Variants in FAM131A observed in about 807,000 individuals in gnomAD.
The protein encoded by FAM131A is family with sequence similarity 131 member A.
A neutral mutation model predicts 39.2 loss-of-function variants in FAM131A; 24 were observed. The ratio of observed to expected loss-of-function variants is 0.61; its 90% CI spans 0.44 to 0.86. The LOEUF (loss-of-function observed/expected upper bound fraction) is 0.86, where lower values mean the gene tolerates loss of function less well. Ranked by LOEUF, FAM131A falls within the 40% of genes least tolerant of loss-of-function variation. The pLI is 0.00. For missense variants in FAM131A, 373 were observed against 481.2 expected (o/e 0.78, Z 2.10); for synonymous variants, 202 against 206.8 (o/e 0.98, Z 0.20).
Position 184,345,014 on chromosome 3 carries a change from CAGGGG to C in FAM131A, c.*45_*49del. The C allele has an allele frequency of 6.8e-7, 1 of 1,460,044 alleles. No individual in the cohort carries two copies. Among genetic ancestry groups the C allele is most frequent in the Non-Finnish European group, 9.1e-7 (1 of 1,103,252 alleles). The allele number at this position is 1,460,044 out of a possible 1,614,324, so 90.4% of individuals were successfully genotyped here. On this transcript the variant is annotated 3_prime_UTR_variant, in exon 6 of 6. Transcript: ENST00000383847. ...GTGGCATGCATCCCCCGGCTGCTGC[CAGGGG>C]CAGAGCCTCTGTGCCCAAGTGTGGG...
chr3:184,344,848 G>A lies in FAM131A; in HGVS notation c.979G>A (p.Asp327Asn). Residue 327 changes from aspartate (D) to asparagine (N), a missense_variant, in exon 6 of 6, where the codon GAC becomes AAC. Physicochemically the swap from Asp to Asn is conservative, Grantham distance 23. Around this residue, in one of 2 missense-constraint regions of FAM131A, gnomAD observed 152 missense variants for 133.5 expected, o/e 1.14. Transcript: ENST00000383847. ...GGAGGAGGAGCCAGCCCCCTGCAAG[G>A]ACTGCCAGCCACTCTGCCCACCACT... is the stretch of plus-strand genomic sequence containing the variant. ...PAEEEPAPCK[D>N]CQPLCPPLTG... 1 of 1,610,906 alleles carries A rather than the reference G, an allele frequency of 6.2e-7. No individual in the cohort carries two copies. Among genetic ancestry groups the A allele is most frequent in the East Asian group, 2.2e-5 (1 of 44,886 alleles).
intron 5 of FAM131A, chr3:184,343,067 T>C: frequency 3.0e-6 from 1 of 331,712 alleles, no homozygotes; most frequent in Non-Finnish European, 5.4e-6. Flanking sequence ...TTCGTTCCTT[T>C]CCCACAGGTG....
chr3:184,338,145 T>G (rs1013150346), intron 1 of FAM131A, among the ~76,000 whole-genome samples: 5 of 152,016 alleles, frequency 3.3e-5, no homozygotes, highest in Non-Finnish European at 7.4e-5. Flanking sequence ...ACCCTAGGGT[T>G]TTGAGGCAAA....
rs1184286497 is a variant in FAM131A at position 184,342,027 on chromosome 3, G to A, written c.326-39G>A. The A allele has an allele frequency of 4.3e-6, 7 of 1,612,906 alleles. No homozygotes were observed. The highest frequency in any genetic ancestry group is 5.9e-6 in the Non-Finnish European group (7 of 1,178,982). On this transcript the variant is annotated intron_variant, in intron 3 of 5. Transcript: ENST00000383847. The surrounding 1 kb of genome is among the most constrained non-coding windows in gnomAD (Gnocchi z 4.6). Reference sequence around the variant, plus strand: ...TCCCTGCACCTGTGCTCCCTGGCCTGGTCCTTTACCAGGCTTCTCCACCCT... The same window carrying A: ...TCCCTGCACCTGTGCTCCCTGGCCTAGTCCTTTACCAGGCTTCTCCACCCT...
Position 184,345,019 on chromosome 3 carries a change from G to GCAGA in FAM131A, c.*50_*53dup. The GCAGA allele has an allele frequency of 6.9e-7, 1 of 1,450,296 alleles. No individual in the cohort carries two copies. The highest frequency in any genetic ancestry group is 1.4e-5 in the South Asian group (1 of 71,918). The allele number at this position is 1,450,296 out of a possible 1,614,324, so 89.8% of individuals were successfully genotyped here. The stretch of plus-strand genomic sequence containing the variant: ...ATGCATCCCCCGGCTGCTGCCAGGG[G>GCAGA]CAGAGCCTCTGTGCCCAAGTGTGGG... On this transcript the variant is annotated 3_prime_UTR_variant, in exon 6 of 6. Coordinates refer to ENST00000383847, the MANE Select transcript of FAM131A (RefSeq NM_144635.5).
chr3:184,344,007 C>T (rs751836305), intron 5 of FAM131A, among the ~76,000 whole-genome samples: 3 of 147,906 alleles, frequency 2.0e-5, no homozygotes, highest in Admixed American at 6.7e-5. Context: ...TTTTTTGAGA[C>T]GGAGTTTCAC....
chr3:184,343,749 A>T (rs1392730844), intron 5 of FAM131A, among the ~76,000 whole-genome samples: 1 of 152,222 alleles, frequency 6.6e-6, no homozygotes, highest in Non-Finnish European at 1.5e-5. Context: ...AATGATAATA[A>T]CTAACATTTA....
intron 1 of FAM131A, 145 bp downstream of exon 1, chr3:184,337,863 A>T (rs1021771294): frequency 1.3e-6 from 1 of 752,148 alleles, no homozygotes. Context: ...CAGACAGGGC[A>T]TCAGGAAACG....
At chr3:184,338,686 C>A in intron 2 of FAM131A, 157 bp downstream of exon 2, 1 of 906,670 alleles carries the variant, frequency 1.1e-6, no homozygotes, top group Non-Finnish European at 1.6e-6. Flanking sequence ...CCGTGCCGGT[C>A]TGCTCTGCTC....
In FAM131A at chr3:184,345,653, C is replaced by A. The variant is rs1727621275; in HGVS notation, c.*683C>A. Reference sequence around the variant, plus strand: ...ATGATGAAAGCATGTACCCTCCACCCTTTTCCTGGCCCCCTAATGGGGCCT... The same window carrying A: ...ATGATGAAAGCATGTACCCTCCACCATTTTCCTGGCCCCCTAATGGGGCCT... On this transcript the variant is annotated 3_prime_UTR_variant, in exon 6 of 6. Transcript: ENST00000383847. The A allele has an allele frequency of 1.5e-6, 1 of 684,470 alleles. No homozygotes were observed. Among genetic ancestry groups the A allele is most frequent in the Admixed American group, 2.2e-5 (1 of 46,416 alleles). 42.4% of individuals were successfully genotyped at this position (684,470 alleles called of 1,614,324 possible).
chr3:184,342,017 T>G lies in FAM131A; in HGVS notation c.326-49T>G. The G allele has an allele frequency of 1.2e-6, 2 of 1,610,448 alleles. No homozygotes were observed. The highest frequency in any genetic ancestry group is 1.7e-6 in the Non-Finnish European group (2 of 1,176,632). On this transcript the variant is annotated intron_variant, in intron 3 of 5. Transcript: ENST00000383847. This position sits in a 1 kb window ranked among gnomAD's most constrained non-coding sequence, Gnocchi z 4.6. ...CCCTTCCACCTCCCTGCACCTGTGC[T>G]CCCTGGCCTGGTCCTTTACCAGGCT...
chr3:184,341,880 T>A, intron 3 of FAM131A, 63 bp downstream of exon 3: 1 of 1,574,530 alleles, frequency 6.4e-7, no homozygotes, highest in South Asian at 1.1e-5. Flanking sequence ...GCACATCCCT[T>A]TGGAACTGTT....
intron 5 of FAM131A, among the ~76,000 whole-genome samples, chr3:184,343,623 T>C (rs536963018): frequency 1.3e-5 from 2 of 152,342 alleles, no homozygotes; most frequent in East Asian, 3.9e-4. Context: ...GAGAGCAGGT[T>C]GGAGACTGCT....
chr3:184,343,283 G>A (rs112542873), intron 5 of FAM131A: 2,388 of 155,586 alleles, frequency 0.015, 25 homozygotes, highest in Non-Finnish European at 0.023. Flanking sequence ...CCAGCACCTC[G>A]CAGGGCTGCA....
Position 184,345,036 on chromosome 3 carries a change from A to C in FAM131A, c.*66A>C, listed in dbSNP as rs879139083. On this transcript the variant is annotated 3_prime_UTR_variant, in exon 6 of 6. Coordinates refer to ENST00000383847, the MANE Select transcript of FAM131A (RefSeq NM_144635.5). ...TGCCAGGGGCAGAGCCTCTGTGCCC[A>C]AGTGTGGGCTCAAGGCTCCCAGCAG... The C allele has an allele frequency of 1.4e-6, 2 of 1,394,826 alleles. No individual in the cohort carries two copies. Among genetic ancestry groups the C allele is most frequent in the South Asian group, 2.9e-5 (2 of 68,368 alleles). The allele number at this position is 1,394,826 out of a possible 1,614,324, so 86.4% of individuals were successfully genotyped here. A position where few individuals can be genotyped will look rare whatever the true frequency, so the allele number is the denominator to read the frequency against.
upstream of FAM131A, among the ~76,000 whole-genome samples, chr3:184,336,461 G>A (rs1336859928): frequency 1.3e-5 from 2 of 152,118 alleles, no homozygotes; most frequent in Admixed American, 1.3e-4. This position sits in a 1 kb window ranked among gnomAD's most constrained non-coding sequence, Gnocchi z 5.5. Flanking sequence ...AGCCCTCGGC[G>A]ACTGGCCTTG....
At chr3:184,336,555 C>T (rs999766916), upstream of FAM131A, among the ~76,000 whole-genome samples, 3 of 152,182 alleles carry the variant, frequency 2.0e-5, no homozygotes, top group African/African-American at 7.2e-5. The surrounding 1 kb of genome is among the most constrained non-coding windows in gnomAD (Gnocchi z 5.5). Flanking sequence ...CCTGCTTCTC[C>T]CAGCCGTGTC....
chr3:184,342,345 T>C lies in FAM131A; in HGVS notation c.508+97T>C, dbSNP rs1266381831. 3.6e-6 allele frequency: 5 copies of C among 1,400,692 alleles called. No individual in the cohort carries two copies. In the Admixed American group the frequency reaches 1.3e-4, roughly 36 times the overall value. The allele number at this position is 1,400,692 out of a possible 1,614,324, so 86.8% of individuals were successfully genotyped here. ...TTTTTTGAGACGGAGTCTCACTCTG[T>C]CGCCCAGGCTGGAGTGCAGTGATGC... On this transcript the variant is annotated intron_variant, in intron 4 of 5. Transcript: ENST00000383847. This position sits in a 1 kb window ranked among gnomAD's most constrained non-coding sequence, Gnocchi z 4.6.
chr3:184,338,631 C>A (rs1480923952), intron 2 of FAM131A, 102 bp downstream of exon 2: 4 of 1,461,334 alleles, frequency 2.7e-6, no homozygotes, highest in Non-Finnish European at 9.1e-7. Flanking sequence ...GCTCCCTTTT[C>A]CGGCGGGCGG....
Sources: gnomAD v4.1 joint callset for allele counts (sites outside exome capture counted in the v4.1 genomes callset) on GRCh38, gnomAD v4.1.1 for gene constraint, gnomAD v4.1.1 regional missense constraint, Gnocchi (gnomAD v3.1) non-coding constraint, MANE v1.5 for transcripts, NCBI Gene and HGNC (gene_info 2026-07-23, HGNC 2026-07-21) for gene names.